The following DMD variants were observed in gnomAD, a reference collection of about 807,000 sequenced individuals.
The protein encoded by DMD is dystrophin.
DMD carries 63 observed loss-of-function variants against 330.1 expected under a neutral mutation model. The ratio of observed to expected loss-of-function variants is 0.19; its 90% CI spans 0.16 to 0.24. DMD has a LOEUF of 0.24. Among genes scored for constraint, DMD ranks in the 10% least tolerant of loss-of-function variants. The probability of loss-of-function intolerance (pLI) is 1.00; values close to 1 mark genes in which losing one functional copy is unlikely to be tolerated. For synonymous variants in DMD, 1,223 were observed against 959.8 expected, an observed-to-expected ratio of 1.27 and a Z score of -5.07; for missense variants, 3,344 against 2,684.1, an observed-to-expected ratio of 1.25 and a Z score of -5.43.
In DMD at chrX:31,126,662, G is replaced by T; in HGVS notation, c.11026C>A (p.Pro3676Thr). 1 of 1,199,031 alleles carries T rather than the reference G, an allele frequency of 8.3e-7. No homozygotes were observed. Among genetic ancestry groups the T allele is most frequent in the Non-Finnish European group, 1.1e-6 (1 of 884,541 alleles). ...CTAACCTCTCTCATTGGCTTTCCAGGGGTATTTCTTCCTTTAATAATAGAG... is the reference window on the plus strand; with the variant it reads ...CTAACCTCTCTCATTGGCTTTCCAGTGGTATTTCTTCCTTTAATAATAGAG... The part of the protein sequence containing the change: ...SFPSSRGRNT[P>T]GKPMREDTM Residue 3676 changes from proline (P) to threonine (T), a missense_variant, in exon 78 of 79, where the codon CCT becomes ACT. By Grantham distance (38) the Pro-to-Thr change is conservative. Coordinates refer to ENST00000357033, the MANE Select transcript of DMD (RefSeq NM_004006.3).
At chrX:32,668,188 T>A (rs1197268061) in intron 9 of DMD, among the ~76,000 whole-genome samples, 2 of 111,396 alleles carry the variant, frequency 1.8e-5, no homozygotes, top group African/African-American at 6.5e-5. Flanking sequence ...ATACATTTCA[T>A]CTCAGAGCCT....
intron 9 of DMD, among the ~76,000 whole-genome samples, chrX:32,653,925 G>T (rs1312521229): frequency 1.8e-5 from 2 of 111,735 alleles, no homozygotes; most frequent in African/African-American, 6.5e-5. Flanking sequence ...AAGCAATTGT[G>T]AATGGAGTTC....
At chrX:33,041,435 G>A (rs1314169267) in intron 1 of DMD, 1 of 1,200,323 alleles carries the variant, frequency 8.3e-7, no homozygotes, top group African/African-American at 1.7e-5. Context: ...ATCAAGACCG[G>A]TGTGGTGAAG....
At chrX:33,180,131 C>T (rs1454625536) in intron 1 of DMD, among the ~76,000 whole-genome samples, 1 of 111,642 alleles carries the variant, frequency 9.0e-6, no homozygotes, top group East Asian at 2.8e-4. Context: ...CCACTGAGCC[C>T]GGCCGAAAAG....
chrX:32,746,976 G>A (rs1487489886), intron 7 of DMD, among the ~76,000 whole-genome samples: 1 of 111,602 alleles, frequency 9.0e-6, no homozygotes, highest in Admixed American at 9.6e-5. Context: ...CTTCGTGCCC[G>A]ACTTATTTCA....
At chrX:31,713,993 T>C (rs2084838625) in intron 52 of DMD, among the ~76,000 whole-genome samples, 1 of 112,091 alleles carries the variant, frequency 8.9e-6, no homozygotes, top group African/African-American at 3.2e-5. Context: ...CACTCTAGGT[T>C]GATTTCTTTG....
intron 48 of DMD, among the ~76,000 whole-genome samples, chrX:31,837,769 C>T (rs1467438626): frequency 8.9e-6 from 1 of 111,815 alleles, no homozygotes; most frequent in Non-Finnish European, 1.9e-5. Flanking sequence ...TACCTGTTCC[C>T]TCTCAGTTCA....
At chrX:32,312,577 T>C (rs925104936) in intron 41 of DMD, among the ~76,000 whole-genome samples, 2 of 110,817 alleles carry the variant, frequency 1.8e-5, no homozygotes, top group Middle Eastern at 9.3e-3. Flanking sequence ...ATTTTGACTA[T>C]TTTGGTATTT....
chrX:32,489,411 G>A (rs754798233), intron 20 of DMD, among the ~76,000 whole-genome samples: 1 of 110,688 alleles, frequency 9.0e-6, no homozygotes, highest in African/African-American at 3.3e-5. Flanking sequence ...TAAAGAGAGA[G>A]AGAAAGAAAA....
intron 68 of DMD, 23 bp downstream of exon 68, chrX:31,182,714 CA>C (rs2041287987): frequency 2.0e-6 from 2 of 992,346 alleles, no homozygotes; most frequent in East Asian, 3.1e-5. Context: ...AAAAAAATGA[CA>C]TTTTTTTTTT....
At chrX:32,914,916 T>G (rs905063737) in intron 2 of DMD, among the ~76,000 whole-genome samples, 18 of 111,919 alleles carry the variant, frequency 1.6e-4, no homozygotes, top group African/African-American at 5.2e-4. Flanking sequence ...GTCCCCATTT[T>G]TTTTTTGGAT....
chrX:31,603,841 G>A (rs1361460415), intron 55 of DMD, among the ~76,000 whole-genome samples: 1 of 111,250 alleles, frequency 9.0e-6, no homozygotes, highest in Non-Finnish European at 1.9e-5. Context: ...ATCCTTCCTG[G>A]TGGCTTCTGT....
intron 1 of DMD, among the ~76,000 whole-genome samples, chrX:33,285,574 A>G (rs191156229): frequency 4.5e-5 from 5 of 112,048 alleles, no homozygotes; most frequent in African/African-American, 1.3e-4. Flanking sequence ...TACTCAGTCC[A>G]TAATTTTTCT....
At chrX:32,401,300 G>C (rs942814355) in intron 30 of DMD, among the ~76,000 whole-genome samples, 1 of 108,444 alleles carries the variant, frequency 9.2e-6, no homozygotes, top group Non-Finnish European at 1.9e-5. Context: ...CCTGCACAAT[G>C]TGCACATGTA....
chrX:33,280,977 T>A (rs1367731376), intron 1 of DMD, among the ~76,000 whole-genome samples: 1 of 111,971 alleles, frequency 8.9e-6, no homozygotes, highest in Non-Finnish European at 1.9e-5. Context: ...TTCAAAAACA[T>A]TGCTAAAATT....
chrX:31,181,279 G>A (rs942166664), intron 68 of DMD, among the ~76,000 whole-genome samples: 1 of 111,872 alleles, frequency 8.9e-6, no homozygotes, highest in African/African-American at 3.3e-5. Context: ...ATATGGGGAA[G>A]TGGGAAGGAA....
At chrX:32,568,475 C>G (rs2052010859) in intron 15 of DMD, among the ~76,000 whole-genome samples, 1 of 106,811 alleles carries the variant, frequency 9.4e-6, no homozygotes, top group African/African-American at 3.5e-5. Context: ...CCACTGCACT[C>G]CAGCCTGGGC....
At chrX:31,204,769 C>G (rs2043897388) in intron 66 of DMD, among the ~76,000 whole-genome samples, 1 of 112,186 alleles carries the variant, frequency 8.9e-6, no homozygotes, top group South Asian at 3.7e-4. Context: ...ATTACAGGCA[C>G]ATGCCATCAC....
At chrX:31,313,947 C>T (rs759642159) in intron 62 of DMD, among the ~76,000 whole-genome samples, 1 of 110,607 alleles carries the variant, frequency 9.0e-6, no homozygotes, top group Non-Finnish European at 1.9e-5. Context: ...GATTCCCCTG[C>T]CCCAGCCTCC....
Sources: allele counts gnomAD v4.1 joint callset (sites outside exome capture counted in the v4.1 genomes callset), GRCh38; gene constraint gnomAD v4.1.1; transcripts MANE v1.5; gene names NCBI Gene and HGNC (gene_info 2026-07-23, HGNC 2026-07-21).